The following CSMD1 variants were observed in gnomAD, a reference collection of about 807,000 sequenced individuals.
CSMD1 encodes the protein CUB and Sushi multiple domains 1, also known as CUB and sushi domain-containing protein 1.
Under a neutral mutation model 417.5 loss-of-function variants are expected in CSMD1, and 213 were observed. That is an observed-to-expected ratio of 0.51 (90% CI 0.46 to 0.57). CSMD1 has a LOEUF of 0.57. CSMD1 is among the 20% of genes least tolerant of loss of function. CSMD1 has a pLI of 0.00. For synonymous variants in CSMD1, 2,862 were observed against 1,736.8 expected (o/e 1.65, Z -16.11); for missense variants, 6,923 against 4,529.7 (o/e 1.53, Z -15.17).
intron 20 of CSMD1, among the ~76,000 whole-genome samples, chr8:3,363,584 GT>G (rs1809344775): frequency 6.6e-6 from 1 of 152,014 alleles, no homozygotes; most frequent in Non-Finnish European, 1.5e-5. Flanking sequence ...CTGGAGTGCA[GT>G]GGCGCGATCT....
At chr8:3,770,897 G>T (rs995372692) in intron 5 of CSMD1, among the ~76,000 whole-genome samples, 4 of 152,138 alleles carry the variant, frequency 2.6e-5, no homozygotes, top group Non-Finnish European at 5.9e-5. Flanking sequence ...GCATTTTGCA[G>T]GATTAAATTA....
At chr8:3,467,297 T>C (rs1399028462) in intron 12 of CSMD1, among the ~76,000 whole-genome samples, 1 of 152,218 alleles carries the variant, frequency 6.6e-6, no homozygotes, top group African/African-American at 2.4e-5. Flanking sequence ...GAGATGAATT[T>C]ACTGCAATTT....
chr8:3,608,825 G>C (rs967198642), intron 8 of CSMD1, among the ~76,000 whole-genome samples: 2 of 151,844 alleles, frequency 1.3e-5, no homozygotes, highest in African/African-American at 4.8e-5. Context: ...AGTCTATGTG[G>C]ATCCGTGGTG....
intron 1 of CSMD1, among the ~76,000 whole-genome samples, chr8:4,845,517 A>G (rs908524851): frequency 2.0e-5 from 3 of 152,190 alleles, no homozygotes; most frequent in Admixed American, 1.3e-4. Context: ...GTTCTCCTCA[A>G]CTACGTATTT....
At chr8:3,801,121 T>C (rs994678086) in intron 5 of CSMD1, among the ~76,000 whole-genome samples, 1 of 151,634 alleles carries the variant, frequency 6.6e-6, no homozygotes, top group Non-Finnish European at 1.5e-5. Flanking sequence ...AGGTTAAATT[T>C]TACCGACATT....
intron 3 of CSMD1, among the ~76,000 whole-genome samples, chr8:4,189,766 A>C (rs1798903955): frequency 6.6e-6 from 1 of 152,220 alleles, no homozygotes; most frequent in African/African-American, 2.4e-5. Context: ...TATGAAGATT[A>C]AACAGGCACA....
intron 3 of CSMD1, among the ~76,000 whole-genome samples, chr8:4,398,626 ACCT>A (rs1563132353): frequency 2.0e-5 from 3 of 151,754 alleles, no homozygotes; most frequent in African/African-American, 4.8e-5. Flanking sequence ...CGATCTCCTG[ACCT>A]CCTGATCTGC....
chr8:3,063,274 G>A (rs1218503677), intron 49 of CSMD1, among the ~76,000 whole-genome samples: 1 of 152,154 alleles, frequency 6.6e-6, no homozygotes, highest in Non-Finnish European at 1.5e-5. Context: ...ATGAACAAGT[G>A]ACTTAACCTA....
chr8:3,758,187 C>G (rs578099457), intron 5 of CSMD1, among the ~76,000 whole-genome samples: 1 of 152,142 alleles, frequency 6.6e-6, no homozygotes, highest in Admixed American at 6.5e-5. Context: ...TGGTCTCAAA[C>G]TCCTGACCTC....
chr8:3,558,310 C>T lies in CSMD1; in HGVS notation c.1344+16635G>A, dbSNP rs1402780916. The stretch of plus-strand genomic sequence containing the variant: ...GCCTCAATGGAACTCCGTGTTCACT[C>T]CTCCAATGATGAATGATGCCTCAGT... On this transcript the variant is annotated intron_variant, in intron 10 of 69. Transcript: ENST00000635120. Among the ~76,000 whole-genome samples the T allele has an allele frequency of 1.8e-4, 25 of 137,490 alleles. 1 individual carries two copies. Among genetic ancestry groups the T allele is most frequent in the Admixed American group, 5.1e-4 (6 of 11,740 alleles). The allele number at this position is 137,490 out of a possible 152,430, so 90.2% of individuals were successfully genotyped here.
chr8:4,013,066 A>T (rs566094745), intron 4 of CSMD1, among the ~76,000 whole-genome samples: 1 of 152,004 alleles, frequency 6.6e-6, no homozygotes, highest in Admixed American at 6.6e-5. Context: ...TTCTTTTCTC[A>T]TAAGTAGCCA....
chr8:4,499,779 G>T (rs1410122693), intron 2 of CSMD1, among the ~76,000 whole-genome samples: 1 of 152,190 alleles, frequency 6.6e-6, no homozygotes, highest in Admixed American at 6.5e-5. Flanking sequence ...TGAAGAGAGG[G>T]AAGGAAGGGA....
intron 3 of CSMD1, among the ~76,000 whole-genome samples, chr8:4,232,422 C>T (rs1478326493): frequency 1.3e-5 from 2 of 152,154 alleles, no homozygotes; most frequent in Non-Finnish European, 2.9e-5. Flanking sequence ...TGGTCTTGAA[C>T]TCCTGACCTC....
chr8:3,989,456 A>G (rs1252737517), intron 5 of CSMD1, among the ~76,000 whole-genome samples: 1 of 152,198 alleles, frequency 6.6e-6, no homozygotes, highest in East Asian at 1.9e-4. Flanking sequence ...TGCTGGAACG[A>G]GTTGTGGTAA....
chr8:4,606,649 A>G lies in CSMD1; in HGVS notation c.302+30693T>C, dbSNP rs541845490. Among the ~76,000 whole-genome samples the G allele has an allele frequency of 3.8e-4, 58 of 152,308 alleles. 1 individual carries two copies. The highest frequency in any genetic ancestry group is 1.4e-3 in the African/African-American group (58 of 41,570). The stretch of plus-strand genomic sequence containing the variant: ...AAATATGGGCTTAAGATTGCAGTCA[A>G]CCATGATGTGTTCTATTCACTTGGA... On this transcript the variant is annotated intron_variant, in intron 2 of 69. Transcript: ENST00000635120.
intron 5 of CSMD1, among the ~76,000 whole-genome samples, chr8:3,783,217 A>T (rs1226332495): frequency 1.3e-5 from 2 of 152,222 alleles, no homozygotes; most frequent in Non-Finnish European, 2.9e-5. Context: ...GTTCCTGGAT[A>T]GCAGTGCATG....
intron 21 of CSMD1, among the ~76,000 whole-genome samples, chr8:3,349,707 C>A (rs1044244771): frequency 6.8e-6 from 1 of 147,550 alleles, no homozygotes; most frequent in Non-Finnish European, 1.5e-5. Context: ...TGTATATATA[C>A]TCACGAGTAG....
intron 1 of CSMD1, among the ~76,000 whole-genome samples, chr8:4,702,897 T>C (rs1218063655): frequency 6.6e-6 from 1 of 152,192 alleles, no homozygotes; most frequent in Non-Finnish European, 1.5e-5. Context: ...AAGTTAATTA[T>C]GAATTTTCAT....
intron 49 of CSMD1, among the ~76,000 whole-genome samples, chr8:3,079,208 C>G (rs1244698694): frequency 2.6e-5 from 4 of 152,146 alleles, no homozygotes; most frequent in Admixed American, 2.0e-4. Context: ...TTACAATATA[C>G]TTGATGGGAG....
Sources: gnomAD v4.1 joint callset for allele counts (sites outside exome capture counted in the v4.1 genomes callset) on GRCh38, gnomAD v4.1.1 for gene constraint, MANE v1.5 for transcripts, NCBI Gene and HGNC (gene_info 2026-07-23, HGNC 2026-07-21) for gene names.